KLHDC4: variants seen among roughly 807,000 people sequenced by gnomAD.
The protein encoded by KLHDC4 is kelch domain-containing protein 4.
A neutral mutation model predicts 62.4 loss-of-function variants in KLHDC4; 90 were observed. The observed-to-expected ratio is 1.44, with a 90% CI of 1.22 to 1.72. The LOEUF (loss-of-function observed/expected upper bound fraction) is 1.72, where lower values mean the gene tolerates loss of function less well. Among genes scored for constraint, KLHDC4 ranks in the 40% most tolerant of loss-of-function variants. KLHDC4 has a pLI of 0.00. For synonymous variants in KLHDC4, 386 were observed against 284.4 expected (o/e 1.36, Z -3.59); for missense variants, 1,025 against 699.7 (o/e 1.47, Z -5.25).
At chr16:87,739,739 G>C (rs1296608722) in intron 5 of KLHDC4, 6 of 152,368 alleles carry the variant, frequency 3.9e-5, no homozygotes, top group Admixed American at 3.9e-4. Context: ...CACGCGGAAA[G>C]AAGAGCCCGT....
intron 5 of KLHDC4, among the ~76,000 whole-genome samples, chr16:87,735,689 C>A (rs547389061): frequency 1.3e-5 from 2 of 152,244 alleles, no homozygotes; most frequent in Non-Finnish European, 2.9e-5. Flanking sequence ...GAAACCCCAA[C>A]AGGCTTCTCA....
At chr16:87,725,123 A>C (rs200721871) in intron 7 of KLHDC4, among the ~76,000 whole-genome samples, 1 of 152,060 alleles carries the variant, frequency 6.6e-6, no homozygotes, top group East Asian at 1.9e-4. Context: ...GCTCCAGGAC[A>C]GGCAGATCTA....
chr16:87,756,371 G>T, intron 3 of KLHDC4, 28 bp downstream of exon 3: 1 of 1,525,840 alleles, frequency 6.6e-7, no homozygotes. Context: ...CGCAACATGG[G>T]AAGAAAAGAA....
chr16:87,719,670 T>TAAAA (rs771590646), intron 7 of KLHDC4, among the ~76,000 whole-genome samples: 2 of 132,148 alleles, frequency 1.5e-5, no homozygotes, highest in South Asian at 2.4e-4. Flanking sequence ...CAATAAATAC[T>TAAAA]AAAAAAAAAA....
chr16:87,704,385 A>C (rs2034406254), downstream of KLHDC4, among the ~76,000 whole-genome samples: 2 of 126,148 alleles, frequency 1.6e-5, no homozygotes, highest in African/African-American at 6.5e-5. Context: ...GAGGGTCCTG[A>C]ACATGACAGG....
At chr16:87,707,449 G>A (rs562356440), downstream of KLHDC4, among the ~76,000 whole-genome samples, 1 of 152,306 alleles carries the variant, frequency 6.6e-6, no homozygotes, top group African/African-American at 2.4e-5. Flanking sequence ...TGCACACGAG[G>A]AGCCCCCACC....
intron 5 of KLHDC4, among the ~76,000 whole-genome samples, chr16:87,741,701 A>G (rs2042268641): frequency 6.6e-6 from 1 of 152,192 alleles, no homozygotes; most frequent in Non-Finnish European, 1.5e-5. Flanking sequence ...AAATGACCAG[A>G]TAACAGGAGG....
At chr16:87,732,563 C>G (rs1045037302) in intron 5 of KLHDC4, among the ~76,000 whole-genome samples, 3 of 152,146 alleles carry the variant, frequency 2.0e-5, no homozygotes, top group Non-Finnish European at 4.4e-5. Flanking sequence ...ATAATACAAT[C>G]ACACACAAAT....
exon 1 of KLHDC4, chr16:87,700,834 G>C (rs879032499): frequency 2.5e-5 from 6 of 237,810 alleles, no homozygotes; most frequent in East Asian, 1.8e-4. Context: ...GAGGAGGTTG[G>C]AGGGCGGAGG....
intron 7 of KLHDC4, among the ~76,000 whole-genome samples, chr16:87,722,833 G>A (rs1267157216): frequency 6.6e-6 from 1 of 152,248 alleles, no homozygotes; most frequent in Non-Finnish European, 1.5e-5. Context: ...GCAGGAGAGT[G>A]CAGTGCATGG....
intron 5 of KLHDC4, among the ~76,000 whole-genome samples, chr16:87,736,400 A>G (rs1017598859): frequency 2.6e-5 from 4 of 152,226 alleles, no homozygotes; most frequent in Non-Finnish European, 5.9e-5. Context: ...CCGGCGGCCT[A>G]GAGACATCTG....
chr16:87,756,285 G>A (rs770946201), intron 3 of KLHDC4, 114 bp downstream of exon 3: 10 of 767,532 alleles, frequency 1.3e-5, no homozygotes, highest in South Asian at 6.2e-5. Context: ...GCTCAAGCGC[G>A]TGATACAAGG....
chr16:87,738,357 G>GCACACA (rs112406800), intron 5 of KLHDC4, among the ~76,000 whole-genome samples: 38 of 149,744 alleles, frequency 2.5e-4, no homozygotes, highest in South Asian at 8.4e-4. Flanking sequence ...ACACGGACGT[G>GCACACA]CACACACACA....
chr16:87,755,885 C>T (rs12446119), intron 3 of KLHDC4: 32,743 of 161,110 alleles, frequency 0.2, 3,602 homozygotes, highest in South Asian at 0.29. Flanking sequence ...TCTAAATGCA[C>T]GAAAACTGAG....
Position 87,709,402 on chromosome 16 carries a change from A to G in KLHDC4, c.1310T>C (p.Leu437Pro). ...GTAGAGCACCCCATGCTTCACAGCC[A>G]GCATGGCGTTGGAGCGTGGACACGG... ...PGPCPRSNAM[L>P]AVKHGVLYVY... The change falls in exon 10 of 12, where the codon CTG becomes CCG. Residue 437 changes from leucine (L) to proline (P), a missense_variant. By Grantham distance (98) the Leu-to-Pro change is moderately conservative (BLOSUM62 -3). Transcript: ENST00000270583. The G allele has an allele frequency of 6.2e-7, 1 of 1,613,394 alleles. No individual in the cohort carries two copies. Among genetic ancestry groups the G allele is most frequent in the Non-Finnish European group, 8.5e-7 (1 of 1,179,936 alleles).
intron 7 of KLHDC4, among the ~76,000 whole-genome samples, chr16:87,721,568 G>C (rs2038357424): frequency 6.6e-6 from 1 of 152,072 alleles, no homozygotes; most frequent in African/African-American, 2.4e-5. Flanking sequence ...GGAGAGCTGG[G>C]CACGGACCTC....
At chr16:87,752,137 T>A (rs1366907815) in intron 4 of KLHDC4, among the ~76,000 whole-genome samples, 3 of 137,822 alleles carry the variant, frequency 2.2e-5, no homozygotes, top group Non-Finnish European at 3.0e-5. Context: ...CCAGGCACAG[T>A]GGCTCACGCC....
At chr16:87,735,994 AAACG>A (rs1263414958) in intron 5 of KLHDC4, among the ~76,000 whole-genome samples, 4 of 152,244 alleles carry the variant, frequency 2.6e-5, no homozygotes, top group Non-Finnish European at 4.4e-5. Flanking sequence ...CTCTGCATGC[AAACG>A]CTTCTCTGAG....
At chr16:87,716,913 C>G (rs1392544630) in intron 7 of KLHDC4, among the ~76,000 whole-genome samples, 1 of 152,062 alleles carries the variant, frequency 6.6e-6, no homozygotes, top group Non-Finnish European at 1.5e-5. Context: ...GCCTGGGCGA[C>G]AGAGCGAGAC....
Sources: gnomAD v4.1 joint callset for allele counts (sites outside exome capture counted in the v4.1 genomes callset) on GRCh38, gnomAD v4.1.1 for gene constraint, MANE v1.5 for transcripts, NCBI Gene and HGNC (gene_info 2026-07-23, HGNC 2026-07-21) for gene names.